EGFLAM: variants seen among roughly 807,000 people sequenced by gnomAD.
EGFLAM encodes pikachurin.
In EGFLAM, 79 loss-of-function variants were observed where a neutral mutation model predicts 113.1. The observed-to-expected ratio is 0.70, with a 90% CI of 0.58 to 0.84. EGFLAM has a LOEUF of 0.84. Among genes scored for constraint, EGFLAM ranks in the 40% least tolerant of loss-of-function variants. The pLI is 0.00. For synonymous variants in EGFLAM, 504 were observed against 487.6 expected, an observed-to-expected ratio of 1.03 and a Z score of -0.44; for missense variants, 1,265 against 1,291.6, an observed-to-expected ratio of 0.98 and a Z score of 0.32.
intron 1 of EGFLAM, among the ~76,000 whole-genome samples, chr5:38,262,226 C>G (rs192918437): frequency 1.3e-5 from 2 of 152,188 alleles, no homozygotes. Context: ...GGAGGACTGC[C>G]GTGCTTCTGT....
At position 38,458,371 on chromosome 5, in the gene EGFLAM, G is replaced by A; in HGVS notation, c.2748G>A (p.Arg916=). 1 of 1,614,058 alleles carries A rather than the reference G, an allele frequency of 6.2e-7. No homozygotes were observed. Among genetic ancestry groups the A allele is most frequent in the South Asian group, 1.1e-5 (1 of 91,066 alleles). The change falls in exon 20 of 22, where the codon CGG becomes CGA. Residue 916 remains arginine (R), a synonymous_variant. Transcript: ENST00000322350. ...IMVNGSFNDG[R]WHRVKAVRDG... ...TGAATGGCTCCTTCAACGATGGTCG[G>A]TGGCACCGAGTTAAGGCCGTTAGGT...
chr5:38,299,150 C>A (rs1186653014), intron 1 of EGFLAM, among the ~76,000 whole-genome samples: 1 of 152,162 alleles, frequency 6.6e-6, no homozygotes, highest in Admixed American at 6.5e-5. Context: ...GGTCCAGAGA[C>A]TTTTCTCTTG....
intron 1 of EGFLAM, among the ~76,000 whole-genome samples, chr5:38,312,501 A>G (rs1738481883): frequency 6.6e-6 from 1 of 152,016 alleles, no homozygotes; most frequent in South Asian, 2.1e-4. Flanking sequence ...CGGCCTCCCA[A>G]AGTCCTGGGA....
intron 1 of EGFLAM, among the ~76,000 whole-genome samples, chr5:38,284,679 G>A (rs1758112655): frequency 1.3e-5 from 2 of 152,118 alleles, no homozygotes; most frequent in Non-Finnish European, 2.9e-5. Flanking sequence ...TTGTTTCCTG[G>A]CAAATAGCTT....
intron 1 of EGFLAM, among the ~76,000 whole-genome samples, chr5:38,313,827 G>A (rs1204953630): frequency 6.6e-6 from 1 of 152,086 alleles, no homozygotes; most frequent in African/African-American, 2.4e-5. Context: ...GTCTATGTAA[G>A]CGTTTTGTCC....
chr5:38,285,047 G>A (rs2886890), intron 1 of EGFLAM, among the ~76,000 whole-genome samples: 1 of 151,912 alleles, frequency 6.6e-6, no homozygotes, highest in East Asian at 1.9e-4. Flanking sequence ...CTCTCTTGTC[G>A]AGTCCAATTT....
chr5:38,305,667 C>A, intron 1 of EGFLAM: 1 of 197,980 alleles, frequency 5.1e-6, no homozygotes. Context: ...GTTGATAAAA[C>A]ATCTGACATG....
intron 1 of EGFLAM, among the ~76,000 whole-genome samples, chr5:38,272,430 T>C (rs1757786844): frequency 1.3e-5 from 2 of 152,172 alleles, no homozygotes; most frequent in African/African-American, 2.4e-5. Context: ...GGAGGTATGA[T>C]TGAAAAGGTC....
intron 3 of EGFLAM, among the ~76,000 whole-genome samples, chr5:38,343,599 G>A (rs971369351): frequency 5.9e-5 from 9 of 152,084 alleles, no homozygotes; most frequent in African/African-American, 2.2e-4. Context: ...CAAAACTCTG[G>A]AAAATAACTT....
rs553888302 is a variant in EGFLAM, at chr5:38,443,221, G to C, written c.2464+4766G>C. 2.6e-5 allele frequency among the ~76,000 whole-genome samples: 4 copies of C among 152,206 alleles called. No individual in the cohort carries two copies. In the South Asian group the frequency reaches 6.2e-4, roughly 24 times the overall value. On this transcript the variant is annotated intron_variant, in intron 17 of 21. Transcript: ENST00000322350. ...GCAGAATTTGCAGTAAGCCGAGATC[G>C]TGCCACTGCACTCCAGCCTGGGTGA...
At chr5:38,352,626 G>A (rs1337649919) in intron 5 of EGFLAM, among the ~76,000 whole-genome samples, 2 of 148,030 alleles carry the variant, frequency 1.4e-5, no homozygotes, top group African/African-American at 5.0e-5. Flanking sequence ...CAGCCTGGGT[G>A]ACAGAGCAAG....
At chr5:38,455,092 G>A (rs1743045290) in intron 19 of EGFLAM, among the ~76,000 whole-genome samples, 1 of 152,326 alleles carries the variant, frequency 6.6e-6, no homozygotes, top group African/African-American at 2.4e-5. Context: ...TGCCCGCTTA[G>A]TTTCACCTCA....
chr5:38,355,390 A>G (rs1739739760), intron 5 of EGFLAM, among the ~76,000 whole-genome samples: 2 of 152,166 alleles, frequency 1.3e-5, no homozygotes, highest in South Asian at 2.1e-4. Flanking sequence ...GGAGCACAGC[A>G]TGTGTCTGAG....
intron 3 of EGFLAM, among the ~76,000 whole-genome samples, chr5:38,349,836 C>A (rs577472661): frequency 1.4e-5 from 2 of 139,494 alleles, no homozygotes; most frequent in African/African-American, 5.4e-5. Context: ...CCTGGTGATT[C>A]TGATACTGTT....
chr5:38,412,404 T>C (rs1741508574), intron 10 of EGFLAM, 100 bp from the exon 11 acceptor site: 4 of 1,567,476 alleles, frequency 2.6e-6, no homozygotes, highest in African/African-American at 2.7e-5. Flanking sequence ...ACAGACTGAC[T>C]CTGAAGGGAG....
chr5:38,335,273 C>T (rs1043771018), intron 1 of EGFLAM, among the ~76,000 whole-genome samples: 6 of 152,150 alleles, frequency 3.9e-5, no homozygotes, highest in African/African-American at 7.2e-5. Flanking sequence ...TGCAAAAAGG[C>T]ACAGATATAG....
At chr5:38,457,103 A>G (rs554975126) in intron 19 of EGFLAM, among the ~76,000 whole-genome samples, 6 of 152,306 alleles carry the variant, frequency 3.9e-5, no homozygotes, top group African/African-American at 1.4e-4. Flanking sequence ...CACTAGAGAA[A>G]CCTGATAGCA....
rs534945191 is a variant in EGFLAM, at chr5:38,314,345, C to T, written c.98-23175C>T. ...GTTCTATTGATCTTCCTGTCCATTC[C>T]TATGCCAATACCATGGTGTTTTAAT... On this transcript the variant is annotated intron_variant, in intron 1 of 21. Transcript: ENST00000322350. Among the ~76,000 whole-genome samples, 9 of 152,308 alleles carry T rather than the reference C, an allele frequency of 5.9e-5. No individual in the cohort carries two copies. In the East Asian group the frequency reaches 1.5e-3, roughly 26 times the overall value.
Position 38,418,084 on chromosome 5 carries a change from A to G in EGFLAM, c.1513A>G (p.Thr505Ala). The change falls in exon 12 of 22, where the codon ACT (threonine) becomes GCT (alanine). Residue 505 changes from threonine to alanine, a missense_variant. Thr to Ala is a moderately conservative substitution (Grantham distance 58, BLOSUM62 0). Transcript: ENST00000322350. ...GQSQGQYSKI[T>A]FRTPLYLGGA... is the part of the protein sequence containing the mutation. Reference sequence around the variant, plus strand: ...CTTAAAGGGCCAATACAGTAAAATTACTTTCCGGACACCTCTCTATCTTGG... The same window carrying G: ...CTTAAAGGGCCAATACAGTAAAATTGCTTTCCGGACACCTCTCTATCTTGG... 6.2e-7 allele frequency: 1 copy of G among 1,613,670 alleles called. No individual in the cohort carries two copies. Among genetic ancestry groups the G allele is most frequent in the Non-Finnish European group, 8.5e-7 (1 of 1,179,842 alleles).
Sources: gnomAD v4.1 joint callset for allele counts (sites outside exome capture counted in the v4.1 genomes callset) on GRCh38, gnomAD v4.1.1 for gene constraint, MANE v1.5 for transcripts, NCBI Gene and HGNC (gene_info 2026-07-23, HGNC 2026-07-21) for gene names.